Variants in BMPER observed in about 807,000 individuals in gnomAD.
BMPER encodes BMP-binding endothelial regulator protein.
Under a neutral mutation model 87.3 loss-of-function variants are expected in BMPER, and 45 were observed. That is an observed-to-expected ratio of 0.52 (90% CI 0.41 to 0.66). BMPER has a LOEUF of 0.66. BMPER is among the 30% of genes least tolerant of loss of function. BMPER has a pLI of 0.00. For synonymous variants in BMPER, 326 were observed against 316.2 expected (o/e 1.03, Z -0.33); for missense variants, 784 against 867.5 (o/e 0.90, Z 1.21).
chr7:34,089,674 G>T (rs1040044417), intron 13 of BMPER, among the ~76,000 whole-genome samples: 2 of 151,890 alleles, frequency 1.3e-5, no homozygotes, highest in Non-Finnish European at 2.9e-5. Context: ...AGTAGAGATG[G>T]GTTTTCACCA....
At chr7:34,088,908 C>T (rs116570851) in intron 13 of BMPER, among the ~76,000 whole-genome samples, 2,956 of 152,204 alleles carry the variant, frequency 0.019, 94 homozygotes, top group African/African-American at 0.068. Context: ...TTCTCTTTTG[C>T]GACACTTCCT....
chr7:34,012,391 T>A (rs775048578), intron 6 of BMPER, among the ~76,000 whole-genome samples: 1 of 151,954 alleles, frequency 6.6e-6, no homozygotes, highest in Non-Finnish European at 1.5e-5. Flanking sequence ...CCAGAAGGAA[T>A]TGGCATTAAT....
At chr7:34,066,368 A>G (rs1788591979) in intron 11 of BMPER, among the ~76,000 whole-genome samples, 1 of 152,208 alleles carries the variant, frequency 6.6e-6, no homozygotes, top group Non-Finnish European at 1.5e-5. Flanking sequence ...GAAGTATGAA[A>G]AGCATTGCTG....
chr7:34,052,046 A>G, intron 8 of BMPER, 76 bp downstream of exon 8: 1 of 1,259,632 alleles, frequency 7.9e-7, no homozygotes, highest in East Asian at 2.3e-5. Context: ...AGCCATAGCC[A>G]AAGCCAATGG....
Position 33,994,688 on chromosome 7 carries a change from CT to C in BMPER, c.576+19907del, listed in dbSNP as rs548419939. Among the ~76,000 whole-genome samples, 854 of 152,266 alleles carry C rather than the reference CT, an allele frequency of 5.6e-3. 3 individuals carry two copies. Among genetic ancestry groups the C allele is most frequent in the Non-Finnish European group, 9.0e-3 (611 of 68,030 alleles). On this transcript the variant is annotated intron_variant, in intron 6 of 14. Transcript: ENST00000649409. ...TTTGCTGTTAGATTATTCTGATTGA[CT>C]TTAGGGCGTGATGATGGATTCTATG...
At chr7:34,103,449 T>C (rs569037851) in intron 13 of BMPER, among the ~76,000 whole-genome samples, 1 of 152,292 alleles carries the variant, frequency 6.6e-6, no homozygotes, top group East Asian at 1.9e-4. Flanking sequence ...ACATTACCCC[T>C]CTGTTTTCCA....
At position 33,906,840 on chromosome 7, in the gene BMPER, T is replaced by A. The variant is rs778318697; in HGVS notation, c.156T>A (p.Asn52Lys). Residue 52 changes from asparagine to lysine, a missense_variant, in exon 2 of 15, where the codon AAT (asparagine) becomes AAA (lysine). Coordinates refer to ENST00000649409, the MANE Select transcript of BMPER (RefSeq NM_001365308.1). The part of the protein sequence containing the change: ...FLTGSVAKCE[N>K]EGEVLQIPFI... ...CAGGTTCTGTTGCAAAATGTGAAAA[T>A]GAAGGTGAAGTCCTCCAGATTCCAT... 2.5e-6 allele frequency: 4 copies of A among 1,613,866 alleles called. No homozygotes were observed. The highest frequency in any genetic ancestry group is 3.4e-6 in the Non-Finnish European group (4 of 1,179,860).
chr7:34,116,057 C>A (rs1203561180), intron 13 of BMPER, among the ~76,000 whole-genome samples: 1 of 152,162 alleles, frequency 6.6e-6, no homozygotes, highest in East Asian at 1.9e-4. Context: ...TTCTTGATGA[C>A]CAATGATGTC....
intron 2 of BMPER, among the ~76,000 whole-genome samples, chr7:33,913,649 G>T (rs1053262867): frequency 9.9e-5 from 15 of 152,158 alleles, no homozygotes; most frequent in African/African-American, 2.2e-4. Context: ...GAAAAAAATA[G>T]AATATTTTGA....
intron 2 of BMPER, among the ~76,000 whole-genome samples, chr7:33,933,200 C>T (rs1309264469): frequency 6.6e-6 from 1 of 152,152 alleles, no homozygotes; most frequent in African/African-American, 2.4e-5. Context: ...CCCTATGCCC[C>T]CCTTTTAGTT....
At position 34,154,513 on chromosome 7, in the gene BMPER, A is replaced by C. The variant is rs2127997784; in HGVS notation, c.*1240A>C. On this transcript the variant is annotated 3_prime_UTR_variant, in exon 15 of 15. Transcript: ENST00000649409. ...GTAAAACAATGCATTTTCTCTCTCA[A>C]GATGTCCTGTGTTATACTTTACAAT... The C allele has an allele frequency of 6.6e-6, 1 of 152,354 alleles. No homozygotes were observed. The highest frequency in any genetic ancestry group is 2.4e-5 in the African/African-American group (1 of 41,590). The allele number at this position is 152,354 out of a possible 1,614,324, so 9.4% of individuals were successfully genotyped here.
intron 13 of BMPER, among the ~76,000 whole-genome samples, chr7:34,110,256 A>G (rs2127985747): frequency 6.6e-6 from 1 of 152,280 alleles, no homozygotes; most frequent in South Asian, 2.1e-4. Context: ...CAAATTGTGG[A>G]TCCCAAGCCA....
intron 6 of BMPER, among the ~76,000 whole-genome samples, chr7:33,976,855 T>C (rs1327205553): frequency 6.6e-6 from 1 of 152,196 alleles, no homozygotes; most frequent in East Asian, 1.9e-4. Context: ...CTGCAGGCAT[T>C]CTGATTTCAT....
rs777444829 is a variant in BMPER at position 34,153,160 on chromosome 7, T to C, written c.1945T>C (p.Trp649Arg). The C allele has an allele frequency of 6.2e-7, 1 of 1,614,052 alleles. No individual in the cohort carries two copies. Among genetic ancestry groups the C allele is most frequent in the Non-Finnish European group, 8.5e-7 (1 of 1,179,970 alleles). The change falls in exon 15 of 15, where the codon TGG becomes CGG. Residue 649 changes from tryptophan (W) to arginine (R), a missense_variant. Trp to Arg is a moderately radical substitution (Grantham distance 101). Transcript: ENST00000649409. ...GPGCIKTCDN[W>R]NEIGPCNKPC... Reference sequence around the variant, plus strand: ...GGGATGTATCAAGACGTGTGACAACTGGAATGAAATTGGTCCATGCAACAA... The same window carrying C: ...GGGATGTATCAAGACGTGTGACAACCGGAATGAAATTGGTCCATGCAACAA...
chr7:34,032,807 A>G (rs1400293480), intron 6 of BMPER, among the ~76,000 whole-genome samples: 1 of 152,128 alleles, frequency 6.6e-6, no homozygotes, highest in Non-Finnish European at 1.5e-5. Context: ...TTTCCCTACC[A>G]TGGCATGTTT....
intron 6 of BMPER, among the ~76,000 whole-genome samples, chr7:34,036,861 T>C (rs1348593411): frequency 6.6e-6 from 1 of 152,076 alleles, no homozygotes; most frequent in African/African-American, 2.4e-5. Context: ...AGGAGAAGAA[T>C]TTCTTTCTTT....
intron 13 of BMPER, among the ~76,000 whole-genome samples, chr7:34,086,778 T>A (rs1243593362): frequency 6.6e-6 from 1 of 152,224 alleles, no homozygotes; most frequent in Non-Finnish European, 1.5e-5. Context: ...GACTTGGATT[T>A]GACTTCCGCA....
chr7:34,145,218 G>A (rs183674677), intron 14 of BMPER, among the ~76,000 whole-genome samples: 366 of 152,280 alleles, frequency 2.4e-3, no homozygotes, highest in Non-Finnish European at 3.0e-3. Flanking sequence ...GGGGAGGTAG[G>A]ATGATGGATT....
chr7:34,019,812 G>C (rs1432210208), intron 6 of BMPER, among the ~76,000 whole-genome samples: 1 of 151,980 alleles, frequency 6.6e-6, no homozygotes, highest in Non-Finnish European at 1.5e-5. Context: ...ACTGTAAAGA[G>C]GTGTGAAGTA....
Sources: allele counts gnomAD v4.1 joint callset (sites outside exome capture counted in the v4.1 genomes callset), GRCh38; gene constraint gnomAD v4.1.1; transcripts MANE v1.5; gene names NCBI Gene and HGNC (gene_info 2026-07-23, HGNC 2026-07-21).